Variants in AGPAT4 observed in about 807,000 individuals in gnomAD.
The protein encoded by AGPAT4 is 1-acylglycerol-3-phosphate O-acyltransferase 4, also known as 1-acyl-sn-glycerol-3-phosphate acyltransferase delta.
In AGPAT4, 15 loss-of-function variants were observed where a neutral mutation model predicts 48.0. That is an observed-to-expected ratio of 0.31 (90% CI 0.21 to 0.48). The LOEUF (loss-of-function observed/expected upper bound fraction) is 0.48, where lower values mean the gene tolerates loss of function less well. Among genes scored for constraint, AGPAT4 ranks in the 20% least tolerant of loss-of-function variants. The pLI is 0.99. For synonymous variants in AGPAT4, 178 were observed against 198.7 expected, an observed-to-expected ratio of 0.90 and a Z score of 0.88; for missense variants, 314 against 482.5, an observed-to-expected ratio of 0.65 and a Z score of 3.27.
intron 1 of AGPAT4, among the ~76,000 whole-genome samples, chr6:161,253,748 A>G (rs1017806670): frequency 6.6e-6 from 1 of 152,176 alleles, no homozygotes; most frequent in Non-Finnish European, 1.5e-5. Context: ...GCAATTTATA[A>G]TGTCTGAATC....
rs11969362 is a variant in AGPAT4, at chr6:161,206,028, T to C, written c.178+26008A>G. Among the ~76,000 whole-genome samples the C allele has an allele frequency of 0.16, 23,641 of 151,926 alleles. 2,787 individuals are homozygous for C. Among genetic ancestry groups the C allele is most frequent in the African/African-American group, 0.29 (12,097 of 41,376 alleles). On this transcript the variant is annotated intron_variant, in intron 2 of 8. Transcript: ENST00000320285. This position sits in a 1 kb window ranked among gnomAD's most constrained non-coding sequence, Gnocchi z 4.8. ...CGGGATCTGAGGAACGACATGGTGG[T>C]GAACTCTTTGTACTCGTATGTTTTT...
chr6:161,273,643 T>G (rs1350554889), intron 1 of AGPAT4, among the ~76,000 whole-genome samples: 5 of 151,424 alleles, frequency 3.3e-5, no homozygotes, highest in Admixed American at 6.6e-5. Flanking sequence ...GGTGGGTGGG[T>G]AAATGAAGCC....
intron 2 of AGPAT4, among the ~76,000 whole-genome samples, chr6:161,205,137 C>T (rs542049201): frequency 6.6e-6 from 1 of 152,280 alleles, no homozygotes; most frequent in South Asian, 2.1e-4. Context: ...CATCATGATT[C>T]TCTGGCACGA....
rs1484442470 is a variant in AGPAT4, at chr6:161,233,796, A to C, written c.-89-1494T>G. ...TTGACCTACAGTATTTTCAATTCGC[A>C]ATGGGTTTATCGGGATGTAATCCCA... is the stretch of plus-strand genomic sequence containing the variant. On this transcript the variant is annotated intron_variant, in intron 1 of 8. Transcript: ENST00000320285. This position sits in a 1 kb window ranked among gnomAD's most constrained non-coding sequence, Gnocchi z 5.4. Among the ~76,000 whole-genome samples the C allele has an allele frequency of 6.6e-6, 1 of 152,214 alleles. No individual in the cohort carries two copies. Among genetic ancestry groups the C allele is most frequent in the Admixed American group, 6.5e-5 (1 of 15,282 alleles).
In AGPAT4 at chr6:161,131,999, G is replaced by A. The variant is rs1015750730; in HGVS notation, c.*4541C>T. ...GCAGGGATGCTGAGGATGTGAATTAGAGTGCTGGGATGTGCTAATGCCTAG... is the reference window on the plus strand; with the variant it reads ...GCAGGGATGCTGAGGATGTGAATTAAAGTGCTGGGATGTGCTAATGCCTAG... On this transcript the variant is annotated 3_prime_UTR_variant, in exon 9 of 9. Transcript: ENST00000320285. 1.3e-5 allele frequency: 2 copies of A among 152,546 alleles called. No homozygotes were observed. Among genetic ancestry groups the A allele is most frequent in the East Asian group, 3.9e-4 (2 of 5,174 alleles). The allele number at this position is 152,546 out of a possible 1,614,324, so 9.4% of individuals were successfully genotyped here. A position where few individuals can be genotyped will look rare whatever the true frequency, so the allele number is the denominator to read the frequency against.
Position 161,164,852 on chromosome 6 carries a change from C to A in AGPAT4, c.348+1396G>T, listed in dbSNP as rs986058472. 6.6e-6 allele frequency among the ~76,000 whole-genome samples: 1 copy of A among 152,160 alleles called. No individual in the cohort carries two copies. Among genetic ancestry groups the A allele is most frequent in the African/African-American group, 2.4e-5 (1 of 41,444 alleles). ...ATTATGAATGTTTGCACATTCTAAG[C>A]ATGAACACTACCAGAAAGTACTTAC... On this transcript the variant is annotated intron_variant, in intron 3 of 8. Coordinates refer to ENST00000320285, the MANE Select transcript of AGPAT4 (RefSeq NM_020133.3). This position sits in a 1 kb window ranked among gnomAD's most constrained non-coding sequence, Gnocchi z 7.4.
At position 161,171,291 on chromosome 6, in the gene AGPAT4, T is replaced by TA. The variant is rs1272107061; in HGVS notation, c.179-4875_179-4874insT. 6.6e-6 allele frequency among the ~76,000 whole-genome samples: 1 copy of TA among 152,246 alleles called. No individual in the cohort carries two copies. Among genetic ancestry groups the TA allele is most frequent in the African/African-American group, 2.4e-5 (1 of 41,462 alleles). The stretch of plus-strand genomic sequence containing the variant: ...TTTTATGCTGCTGTAACAGAATAGT[T>TA]GAGACTGGGCAATTTACAAAGAACA... On this transcript the variant is annotated intron_variant, in intron 2 of 8. Coordinates refer to ENST00000320285, the MANE Select transcript of AGPAT4 (RefSeq NM_020133.3). This position sits in a 1 kb window ranked among gnomAD's most constrained non-coding sequence, Gnocchi z 4.4.
At position 161,219,611 on chromosome 6, in the gene AGPAT4, C is replaced by T. The variant is rs937951219; in HGVS notation, c.178+12425G>A. On this transcript the variant is annotated intron_variant, in intron 2 of 8. Transcript: ENST00000320285. This position sits in a 1 kb window ranked among gnomAD's most constrained non-coding sequence, Gnocchi z 4.9. ...CTTCCAAAAACAAATGGGCACTTTG[C>T]GAATTAATTTATTTATAAACCATAT... is the stretch of plus-strand genomic sequence containing the variant. Among the ~76,000 whole-genome samples, 26 of 152,012 alleles carry T rather than the reference C, an allele frequency of 1.7e-4. No homozygotes were observed. Among genetic ancestry groups the T allele is most frequent in the Admixed American group, 5.2e-4 (8 of 15,250 alleles).
At position 161,197,616 on chromosome 6, in the gene AGPAT4, C is replaced by A. The variant is rs1395826646; in HGVS notation, c.179-31199G>T. ...CTCCTGAACCACTCTGCCTCCTTGC[C>A]AGACATCTTTACATTCCCTGCTGTT... On this transcript the variant is annotated intron_variant, in intron 2 of 8. Transcript: ENST00000320285. This position sits in a 1 kb window ranked among gnomAD's most constrained non-coding sequence, Gnocchi z 5.7. Among the ~76,000 whole-genome samples, 1 of 152,182 alleles carries A rather than the reference C, an allele frequency of 6.6e-6. No individual in the cohort carries two copies. The highest frequency in any genetic ancestry group is 1.9e-4 in the East Asian group (1 of 5,186).
At chr6:161,239,590 T>C (rs757831229) in intron 1 of AGPAT4, among the ~76,000 whole-genome samples, 29 of 152,186 alleles carry the variant, frequency 1.9e-4, no homozygotes, top group Non-Finnish European at 3.7e-4. Flanking sequence ...CCAAGAAGAA[T>C]TGCTGAAATA....
At chr6:161,228,234 G>A (rs1782033370) in intron 2 of AGPAT4, among the ~76,000 whole-genome samples, 1 of 152,192 alleles carries the variant, frequency 6.6e-6, no homozygotes, top group African/African-American at 2.4e-5. Context: ...AGTTTCTGTG[G>A]CTCGCCAAAG....
At chr6:161,268,855 C>G (rs892676467) in intron 1 of AGPAT4, among the ~76,000 whole-genome samples, 1 of 152,116 alleles carries the variant, frequency 6.6e-6, no homozygotes, top group Non-Finnish European at 1.5e-5. Flanking sequence ...TTCATGACAT[C>G]AGAAAACACA....
At position 161,202,580 on chromosome 6, in the gene AGPAT4, A is replaced by C. The variant is rs143522068; in HGVS notation, c.178+29456T>G. Among the ~76,000 whole-genome samples, 464 of 152,322 alleles carry C rather than the reference A, an allele frequency of 3.0e-3. 3 individuals are homozygous for C. The highest frequency in any genetic ancestry group is 0.011 in the African/African-American group (439 of 41,568). On this transcript the variant is annotated intron_variant, in intron 2 of 8. Transcript: ENST00000320285. The surrounding 1 kb of genome is among the most constrained non-coding windows in gnomAD (Gnocchi z 5.4). The stretch of plus-strand genomic sequence containing the variant: ...AAGACTGTCAAAGACATATTTAAAA[A>C]TTACCATCTATAACAGACTGTATTT...
Position 161,238,074 on chromosome 6 carries a change from G to T in AGPAT4, c.-89-5772C>A, listed in dbSNP as rs1562352100. Among the ~76,000 whole-genome samples, 1 of 63,244 alleles carries T rather than the reference G, an allele frequency of 1.6e-5. No individual in the cohort carries two copies. The highest frequency in any genetic ancestry group is 1.8e-4 in the Admixed American group (1 of 5,564). 41.5% of individuals were successfully genotyped at this position (63,244 alleles called of 152,430 possible). A position where few individuals can be genotyped will look rare whatever the true frequency, so the allele number is the denominator to read the frequency against. On this transcript the variant is annotated intron_variant, in intron 1 of 8. Transcript: ENST00000320285. This position sits in a 1 kb window ranked among gnomAD's most constrained non-coding sequence, Gnocchi z 5.2. The stretch of plus-strand genomic sequence containing the variant: ...GTGTTGGGGGGCTGGGGGTGGGGGG[G>T]TAATGGGGGGGTTGGGGGGCGGGAG...
chr6:161,211,191 G>C (rs944726982), intron 2 of AGPAT4, among the ~76,000 whole-genome samples: 2 of 151,902 alleles, frequency 1.3e-5, no homozygotes, highest in African/African-American at 4.8e-5. Context: ...AAAATACTTA[G>C]GTAAATGTTA....
chr6:161,263,299 G>A (rs1159263078), intron 1 of AGPAT4, among the ~76,000 whole-genome samples: 1 of 152,202 alleles, frequency 6.6e-6, no homozygotes, highest in Non-Finnish European at 1.5e-5. Context: ...GTCCCAGCCT[G>A]GCCAACATGG....
intron 2 of AGPAT4, among the ~76,000 whole-genome samples, chr6:161,191,659 G>C (rs1012630577): frequency 6.6e-6 from 1 of 152,180 alleles, no homozygotes; most frequent in Non-Finnish European, 1.5e-5. Context: ...AAAAGTACAA[G>C]GTTAAATTGC....
At chr6:161,162,241 C>T (rs1779955730) in intron 3 of AGPAT4, among the ~76,000 whole-genome samples, 1 of 152,254 alleles carries the variant, frequency 6.6e-6, no homozygotes, top group Admixed American at 6.5e-5. Context: ...GTGATCCTGG[C>T]CTCCTGGCAC....
In AGPAT4 at chr6:161,161,021, C is replaced by T. The variant is rs779048783; in HGVS notation, c.348+5227G>A. On this transcript the variant is annotated intron_variant, in intron 3 of 8. Coordinates refer to ENST00000320285, the MANE Select transcript of AGPAT4 (RefSeq NM_020133.3). The surrounding 1 kb of genome is among the most constrained non-coding windows in gnomAD (Gnocchi z 4.6). ...ATCAGAGGGCCCTAAGCACAGAGCA[C>T]GAAAGGGGGACAGTTCATGGGATGA... is the stretch of plus-strand genomic sequence containing the variant. The T allele has an allele frequency of 3.1e-5, 14 of 456,468 alleles. No homozygotes were observed. The highest frequency in any genetic ancestry group is 1.6e-4 in the Admixed American group (7 of 42,550). 28.3% of individuals were successfully genotyped at this position (456,468 alleles called of 1,614,324 possible). A position where few individuals can be genotyped will look rare whatever the true frequency, so the allele number is the denominator to read the frequency against.
Sources: gnomAD v4.1 joint callset for allele counts (sites outside exome capture counted in the v4.1 genomes callset) on GRCh38, gnomAD v4.1.1 for gene constraint, Gnocchi (gnomAD v3.1) non-coding constraint, MANE v1.5 for transcripts, NCBI Gene and HGNC (gene_info 2026-07-23, HGNC 2026-07-21) for gene names.